KCNAB2: variants seen among roughly 807,000 people sequenced by gnomAD.
The protein encoded by KCNAB2 is potassium voltage-gated channel subfamily A regulatory beta subunit 2.
In KCNAB2, 29 loss-of-function variants were observed where a neutral mutation model predicts 63.6. That is an observed-to-expected ratio of 0.46 (90% CI 0.34 to 0.62). The LOEUF is 0.62. Among genes scored for constraint, KCNAB2 ranks in the 20% least tolerant of loss-of-function variants. The probability of loss-of-function intolerance (pLI) is 0.01; values close to 1 mark genes in which losing one functional copy is unlikely to be tolerated. For synonymous variants in KCNAB2, 222 were observed against 224.2 expected, an observed-to-expected ratio of 0.99 and a Z score of 0.09; for missense variants, 359 against 563.9, an observed-to-expected ratio of 0.64 and a Z score of 3.68.
At chr1:5,995,159 G>A (rs1350752671) in intron 1 of KCNAB2, among the ~76,000 whole-genome samples, 2 of 152,178 alleles carry the variant, frequency 1.3e-5, no homozygotes, top group African/African-American at 2.4e-5. Context: ...TGGGCAGCTC[G>A]GGGCGGCAAT....
In KCNAB2 at chr1:6,006,603, GCTCAGCTCCCACA is replaced by G. The variant is rs1395818791; in HGVS notation, c.-53+13816_-53+13828del. Among the ~76,000 whole-genome samples the G allele has an allele frequency of 5.4e-3, 18 of 3,364 alleles. 1 individual carries two copies. The highest frequency in any genetic ancestry group is 0.011 in the African/African-American group (8 of 710). 2.2% of individuals were successfully genotyped at this position (3,364 alleles called of 152,430 possible). A position where few individuals can be genotyped will look rare whatever the true frequency, so the allele number is the denominator to read the frequency against. On this transcript the variant is annotated intron_variant, in intron 1 of 16. Transcript: ENST00000341524. ...CCCCCCACTTCACCCTCACCCCTCAGCTCAGCTCCCACATCCCCCCACTCCACCCTCACCCCTC... is the reference window on the plus strand; with the variant it reads ...CCCCCCACTTCACCCTCACCCCTCAGTCCCCCCACTCCACCCTCACCCCTC...
intron 1 of KCNAB2, among the ~76,000 whole-genome samples, chr1:6,005,929 CTCCA>C (rs1657657317): frequency 9.0e-6 from 1 of 110,996 alleles, no homozygotes; most frequent in African/African-American, 4.2e-5. Flanking sequence ...CATCCCCCCA[CTCCA>C]CCCTCACCCC....
At chr1:6,022,013 T>C (rs765105904) in intron 1 of KCNAB2, among the ~76,000 whole-genome samples, 6 of 151,990 alleles carry the variant, frequency 3.9e-5, no homozygotes, top group Non-Finnish European at 8.8e-5. Flanking sequence ...TCGGTGGTAT[T>C]GAGTGTACAG....
Position 6,099,624 on chromosome 1 carries a change from G to T in KCNAB2, c.*1050G>T, listed in dbSNP as rs1665900847. 1 of 855,156 alleles carries T rather than the reference G, an allele frequency of 1.2e-6. No individual in the cohort carries two copies. The allele number at this position is 855,156 out of a possible 1,614,324, so 53.0% of individuals were successfully genotyped here. On this transcript the variant is annotated 3_prime_UTR_variant, in exon 16 of 16. Transcript: ENST00000378083. ...CAGGCCGCTGCTCTGCACCGAGCTGGTGGGCTTGGGTTTTGTGGAGCGCAT... is the reference window on the plus strand; with the variant it reads ...CAGGCCGCTGCTCTGCACCGAGCTGTTGGGCTTGGGTTTTGTGGAGCGCAT...
intron 1 of KCNAB2, among the ~76,000 whole-genome samples, chr1:5,995,686 G>A (rs1404830366): frequency 6.6e-6 from 1 of 152,168 alleles, no homozygotes; most frequent in Non-Finnish European, 1.5e-5. Context: ...TGGGATGAAG[G>A]AAAGGAGGGA....
Position 6,074,392 on chromosome 1 carries a change from G to A in KCNAB2, c.300+622G>A, listed in dbSNP as rs1226864999. 6.6e-6 allele frequency among the ~76,000 whole-genome samples: 1 copy of A among 152,256 alleles called. No homozygotes were observed. The highest frequency in any genetic ancestry group is 1.9e-4 in the East Asian group (1 of 5,204). On this transcript the variant is annotated intron_variant, in intron 4 of 15. Transcript: ENST00000378083. This position sits in a 1 kb window ranked among gnomAD's most constrained non-coding sequence, Gnocchi z 4.9. ...CGCCTCTGGGTCTCTCGGAAGGACA[G>A]GGACGGCACACGCCCAGACATGTGT...
chr1:6,042,852 C>CA (rs1553122368), upstream of KCNAB2, among the ~76,000 whole-genome samples: 1 of 129,198 alleles, frequency 7.7e-6, no homozygotes, highest in East Asian at 2.6e-4. Context: ...CACCCCCCCC[C>CA]CCGTTTGCCA....
intron 2 of KCNAB2, 65 bp from the exon 3 acceptor site, chr1:6,072,690 G>C: frequency 6.4e-7 from 1 of 1,563,680 alleles, no homozygotes. Context: ...GCCCTGGCGG[G>C]AACTGAGCCT....
At chr1:6,052,563 G>A (rs1318578763) in intron 2 of KCNAB2, among the ~76,000 whole-genome samples, 1 of 152,060 alleles carries the variant, frequency 6.6e-6, no homozygotes, top group East Asian at 1.9e-4. Context: ...GAATTTTCTT[G>A]GAACCTCCAA....
chr1:6,040,751 C>A, intron 2 of KCNAB2: 2 of 669,170 alleles, frequency 3.0e-6, no homozygotes, highest in South Asian at 1.8e-5. Flanking sequence ...AGGGCCCAAG[C>A]AGGGCCCACA....
intron 5 of KCNAB2, among the ~76,000 whole-genome samples, chr1:6,084,722 A>G (rs1664534164): frequency 6.6e-6 from 1 of 152,006 alleles, no homozygotes; most frequent in Admixed American, 6.6e-5. Context: ...AGGCTGAGGC[A>G]GGAGAACTGC....
In KCNAB2 at chr1:5,994,404, G is replaced by A. The variant is rs1656816614; in HGVS notation, c.-53+1616G>A. On this transcript the variant is annotated intron_variant, in intron 1 of 16. Transcript: ENST00000341524. The surrounding 1 kb of genome is among the most constrained non-coding windows in gnomAD (Gnocchi z 5.4). Reference sequence around the variant, plus strand: ...GTGTGGGGCCCTAAGAGTGCACTTGGTCCTCCAGGTCCTGTCATTGTCTCC... The same window carrying A: ...GTGTGGGGCCCTAAGAGTGCACTTGATCCTCCAGGTCCTGTCATTGTCTCC... Among the ~76,000 whole-genome samples the A allele has an allele frequency of 6.6e-6, 1 of 152,154 alleles. No individual in the cohort carries two copies. The highest frequency in any genetic ancestry group is 6.5e-5 in the Admixed American group (1 of 15,270).
chr1:6,077,310 G>A (rs910880388), intron 4 of KCNAB2, among the ~76,000 whole-genome samples: 1 of 152,210 alleles, frequency 6.6e-6, no homozygotes, highest in African/African-American at 2.4e-5. Context: ...GGAAAGGGCA[G>A]AAAAACCTGG....
upstream of KCNAB2, among the ~76,000 whole-genome samples, chr1:6,030,866 G>T (rs542962150): frequency 6.8e-6 from 1 of 148,094 alleles, no homozygotes; most frequent in Non-Finnish European, 1.5e-5. Context: ...GTATGTATGT[G>T]TAGGTGTGTG....
chr1:6,063,347 C>T (rs1389448988), intron 2 of KCNAB2, among the ~76,000 whole-genome samples: 2 of 151,494 alleles, frequency 1.3e-5, no homozygotes, highest in African/African-American at 4.9e-5. Context: ...CATACGTGTT[C>T]TTTCATGACC....
At chr1:6,084,467 A>G (rs1440266731) in intron 5 of KCNAB2, among the ~76,000 whole-genome samples, 1 of 152,258 alleles carries the variant, frequency 6.6e-6, no homozygotes, top group Non-Finnish European at 1.5e-5. Flanking sequence ...GACCCTGAGT[A>G]CATGTTGATT....
At chr1:6,083,558 C>T (rs958309134) in intron 5 of KCNAB2, among the ~76,000 whole-genome samples, 2 of 152,210 alleles carry the variant, frequency 1.3e-5, no homozygotes, top group Non-Finnish European at 2.9e-5. Context: ...GGAGCAGCTT[C>T]CCCTCAGGTC....
Position 6,086,963 on chromosome 1 carries a change from T to G in KCNAB2, c.426-504T>G, listed in dbSNP as rs1664756203. 6.6e-6 allele frequency among the ~76,000 whole-genome samples: 1 copy of G among 152,006 alleles called. No homozygotes were observed. Among genetic ancestry groups the G allele is most frequent in the South Asian group, 2.1e-4 (1 of 4,820 alleles). On this transcript the variant is annotated intron_variant, in intron 6 of 15. Transcript: ENST00000378083. This position sits in a 1 kb window ranked among gnomAD's most constrained non-coding sequence, Gnocchi z 4.2. ...AGATTTTCTGCAACACGTGTCACAT[T>G]CTGTAGGGAACGTTGCAGAGAGCTT...
rs1278080416 is a variant in KCNAB2 at position 6,078,561 on chromosome 1, G to A, written c.301-3634G>A. On this transcript the variant is annotated intron_variant, in intron 4 of 15. Transcript: ENST00000378083. This position sits in a 1 kb window ranked among gnomAD's most constrained non-coding sequence, Gnocchi z 4.2. ...GGGGACAACCAAGGCACAGCCCTAA[G>A]GCCGAGTGTTGGGGAGAAGGGGATG... is the stretch of plus-strand genomic sequence containing the variant. Among the ~76,000 whole-genome samples, 2 of 152,190 alleles carry A rather than the reference G, an allele frequency of 1.3e-5. No homozygotes were observed. The highest frequency in any genetic ancestry group is 2.4e-5 in the African/African-American group (1 of 41,448).
Sources: allele counts gnomAD v4.1 joint callset (sites outside exome capture counted in the v4.1 genomes callset), GRCh38; gene constraint gnomAD v4.1.1; non-coding constraint Gnocchi (gnomAD v3.1); transcripts MANE v1.5; gene names NCBI Gene and HGNC (gene_info 2026-07-23, HGNC 2026-07-21).